The following ADAMTS17 variants were observed in gnomAD, a reference collection of about 807,000 sequenced individuals.
The protein encoded by ADAMTS17 is ADAM metallopeptidase with thrombospondin type 1 motif 17.
Under a neutral mutation model 141.5 loss-of-function variants are expected in ADAMTS17, and 113 were observed. That is an observed-to-expected ratio of 0.80 (90% CI 0.69 to 0.93). The LOEUF is 0.93. Among genes scored for constraint, ADAMTS17 ranks in the 40% least tolerant of loss-of-function variants. ADAMTS17 has a pLI of 0.00. For missense variants in ADAMTS17, 1,659 were observed against 1,517.9 expected (o/e 1.09, Z -1.54); for synonymous variants, 768 against 630.6 (o/e 1.22, Z -3.27).
chr15:100,173,600 A>C (rs1378764800), intron 8 of ADAMTS17, among the ~76,000 whole-genome samples: 1 of 152,210 alleles, frequency 6.6e-6, no homozygotes, highest in African/African-American at 2.4e-5. Context: ...ACTAAGCTGA[A>C]CTTTGGAATA....
chr15:100,288,291 G>T (rs2044513439), intron 3 of ADAMTS17, among the ~76,000 whole-genome samples: 1 of 152,266 alleles, frequency 6.6e-6, no homozygotes, highest in South Asian at 2.1e-4. Context: ...TTACATAATG[G>T]TAAAGGGTTC....
At position 99,975,994 on chromosome 15, in the gene ADAMTS17, G is replaced by A. The variant is rs774962722; in HGVS notation, c.3127+51C>T. ...CCTCACCGTCAGGGAGGACTTACTG[G>A]GCAGGAGACACAGCAGCCCCCTGGG... On this transcript the variant is annotated intron_variant, in intron 21 of 21. Transcript: ENST00000268070. 2.6e-6 allele frequency: 4 copies of A among 1,519,502 alleles called. No individual in the cohort carries two copies. The African/African-American group carries it at 5.5e-5, about 21-fold the overall frequency. 94.1% of individuals were successfully genotyped at this position (1,519,502 alleles called of 1,614,324 possible).
At chr15:99,999,331 G>T (rs1325897235) in intron 18 of ADAMTS17, among the ~76,000 whole-genome samples, 1 of 152,224 alleles carries the variant, frequency 6.6e-6, no homozygotes, top group African/African-American at 2.4e-5. Flanking sequence ...CTAGAGACAA[G>T]TCAAGCAGCG....
intron 4 of ADAMTS17, among the ~76,000 whole-genome samples, chr15:100,274,527 T>C (rs1272951649): frequency 6.6e-6 from 1 of 152,212 alleles, no homozygotes; most frequent in Non-Finnish European, 1.5e-5. Context: ...TTTCTTTTTC[T>C]ATCCTTTCAC....
chr15:100,002,431 C>T (rs142413337), intron 18 of ADAMTS17, among the ~76,000 whole-genome samples: 1,851 of 152,120 alleles, frequency 0.012, 80 homozygotes, highest in African/African-American at 0.041. Flanking sequence ...CACGTGACCA[C>T]GGCAGGTGCT....
intron 8 of ADAMTS17, among the ~76,000 whole-genome samples, chr15:100,157,267 G>T (rs2039479501): frequency 6.6e-6 from 1 of 152,108 alleles, no homozygotes; most frequent in African/African-American, 2.4e-5. Context: ...ATATCAGAAG[G>T]TGACATGGAA....
chr15:100,156,709 A>G (rs2039453443), intron 8 of ADAMTS17, among the ~76,000 whole-genome samples: 1 of 152,230 alleles, frequency 6.6e-6, no homozygotes, highest in Non-Finnish European at 1.5e-5. Flanking sequence ...GCTAAGATAG[A>G]CTGCTGTCCA....
chr15:100,259,841 TTTGG>T (rs2043454164), intron 6 of ADAMTS17, among the ~76,000 whole-genome samples: 1 of 152,046 alleles, frequency 6.6e-6, no homozygotes, highest in African/African-American at 2.4e-5. Flanking sequence ...ATTCTAGGAT[TTTGG>T]TTTTTGTTTT....
chr15:100,160,136 T>A (rs1000710203), intron 8 of ADAMTS17, among the ~76,000 whole-genome samples: 1 of 152,190 alleles, frequency 6.6e-6, no homozygotes, highest in African/African-American at 2.4e-5. Context: ...TACAGCATTA[T>A]CTTACTTTGA....
chr15:100,229,906 T>C (rs1187510910), intron 7 of ADAMTS17, among the ~76,000 whole-genome samples: 1 of 152,126 alleles, frequency 6.6e-6, no homozygotes, highest in Non-Finnish European at 1.5e-5. Flanking sequence ...CAGCAGGAAA[T>C]TGCCACACAG....
At chr15:100,296,750 C>T (rs1023420954) in intron 3 of ADAMTS17, among the ~76,000 whole-genome samples, 1 of 152,220 alleles carries the variant, frequency 6.6e-6, no homozygotes. Flanking sequence ...TTCTTGAATA[C>T]AGCAGGCCAG....
At position 100,104,804 on chromosome 15, in the gene ADAMTS17, T is replaced by A. The variant is rs1163252006; in HGVS notation, c.2016+4185A>T. Among the ~76,000 whole-genome samples the A allele has an allele frequency of 2.0e-5, 3 of 152,346 alleles. No homozygotes were observed. The East Asian group carries it at 5.8e-4, about 29-fold the overall frequency. ...CAATTACTATTATTTTCCTTAACCATTTCTTTCTTGCTATACACATTCACA... is the reference window on the plus strand; with the variant it reads ...CAATTACTATTATTTTCCTTAACCAATTCTTTCTTGCTATACACATTCACA... On this transcript the variant is annotated intron_variant, in intron 14 of 21. Transcript: ENST00000268070.
intron 2 of ADAMTS17, among the ~76,000 whole-genome samples, chr15:100,340,824 G>A (rs1236427831): frequency 6.6e-6 from 1 of 152,144 alleles, no homozygotes; most frequent in Non-Finnish European, 1.5e-5. Context: ...CTGCAGAGGC[G>A]CTGGACTGGG....
chr15:100,087,051 G>A (rs927163408), intron 15 of ADAMTS17, among the ~76,000 whole-genome samples: 1 of 152,080 alleles, frequency 6.6e-6, no homozygotes, highest in Non-Finnish European at 1.5e-5. Context: ...ATGAATCCAG[G>A]AGCTGATTTT....
intron 7 of ADAMTS17, among the ~76,000 whole-genome samples, chr15:100,237,078 G>A (rs1185691602): frequency 1.3e-5 from 2 of 152,150 alleles, no homozygotes; most frequent in Non-Finnish European, 2.9e-5. Flanking sequence ...CCACAACCCT[G>A]CCCCTGCAAC....
At chr15:100,022,378 G>T (rs2061422038) in intron 18 of ADAMTS17, among the ~76,000 whole-genome samples, 1 of 152,150 alleles carries the variant, frequency 6.6e-6, no homozygotes, top group African/African-American at 2.4e-5. Flanking sequence ...CTGGCACACT[G>T]GAGAGAAAGT....
chr15:100,308,185 C>T (rs998547419), intron 3 of ADAMTS17, among the ~76,000 whole-genome samples: 1 of 152,212 alleles, frequency 6.6e-6, no homozygotes, highest in Non-Finnish European at 1.5e-5. Context: ...CTCCCACATA[C>T]ACAGACAACT....
intron 8 of ADAMTS17, among the ~76,000 whole-genome samples, chr15:100,165,527 T>C (rs1481493032): frequency 6.6e-6 from 1 of 152,194 alleles, no homozygotes; most frequent in Non-Finnish European, 1.5e-5. Flanking sequence ...CCTCACTGCT[T>C]AGAGCATCCA....
At chr15:100,293,360 C>T (rs1303489312) in intron 3 of ADAMTS17, among the ~76,000 whole-genome samples, 1 of 152,220 alleles carries the variant, frequency 6.6e-6, no homozygotes, top group African/African-American at 2.4e-5. Flanking sequence ...CTAGGAAGGG[C>T]CCCAATGGGC....
Sources: allele counts gnomAD v4.1 joint callset (sites outside exome capture counted in the v4.1 genomes callset), GRCh38; gene constraint gnomAD v4.1.1; transcripts MANE v1.5; gene names NCBI Gene and HGNC (gene_info 2026-07-23, HGNC 2026-07-21).